Variants in SLC2A13 observed in about 807,000 individuals in gnomAD.
The protein encoded by SLC2A13 is solute carrier family 2 member 13.
A neutral mutation model predicts 64.4 loss-of-function variants in SLC2A13; 32 were observed. The observed-to-expected ratio is 0.50, with a 90% confidence interval of 0.37 to 0.67. The LOEUF (loss-of-function observed/expected upper bound fraction) is 0.67. Ranked by LOEUF, SLC2A13 falls within the 30% of genes least tolerant of loss-of-function variation. The pLI, the probability that SLC2A13 is intolerant of heterozygous loss-of-function variation, is 0.00. For synonymous variants in SLC2A13, 338 were observed against 327.1 expected (o/e 1.03, Z -0.36); for missense variants, 743 against 829.2 (o/e 0.90, Z 1.28).
chr12:40,085,517 A>G (rs1371969091), intron 1 of SLC2A13, among the ~76,000 whole-genome samples: 1 of 152,120 alleles, frequency 6.6e-6, no homozygotes, highest in Non-Finnish European at 1.5e-5. Flanking sequence ...TGCAAAACTG[A>G]TTGCTTGTTA....
intron 4 of SLC2A13, among the ~76,000 whole-genome samples, chr12:39,929,000 G>A (rs1281763581): frequency 6.6e-6 from 1 of 152,192 alleles, no homozygotes; most frequent in Non-Finnish European, 1.5e-5. Context: ...ATGGGGAGGA[G>A]ACAGAGGTGT....
At chr12:39,896,264 G>GCA (rs1944853717) in intron 4 of SLC2A13, among the ~76,000 whole-genome samples, 1 of 139,600 alleles carries the variant, frequency 7.2e-6, no homozygotes, top group South Asian at 2.2e-4. Context: ...ATGTATATGT[G>GCA]TGTATATATG....
rs1462874556 is a variant in SLC2A13, at chr12:39,981,423, C to T, written c.926-30058G>A. On this transcript the variant is annotated intron_variant, in intron 3 of 9. Transcript: ENST00000280871. Reference sequence around the variant, plus strand: ...GAAAGGATCAACAAAATTGATAGACCGCTAGCAAGACTAATAAAGAAAAAA... The same window carrying T: ...GAAAGGATCAACAAAATTGATAGACTGCTAGCAAGACTAATAAAGAAAAAA... 7.2e-3 allele frequency among the ~76,000 whole-genome samples: 1,097 copies of T among 151,470 alleles called. 9 individuals are homozygous for T. The highest frequency in any genetic ancestry group is 0.011 in the Non-Finnish European group (726 of 67,842).
At position 40,007,620 on chromosome 12, in the gene SLC2A13, T is replaced by A. The variant is rs1947447904; in HGVS notation, c.925+20681A>T. Among the ~76,000 whole-genome samples, 3 of 152,206 alleles carry A rather than the reference T, an allele frequency of 2.0e-5. No individual in the cohort carries two copies. In the South Asian group the frequency reaches 6.2e-4, roughly 32 times the overall value. On this transcript the variant is annotated intron_variant, in intron 3 of 9. Coordinates refer to ENST00000280871, the MANE Select transcript of SLC2A13 (RefSeq NM_052885.4). ...ATATAGTACATTGAAGAGTGTATAC[T>A]GTTCTAATAAGATAAGCTTTGTTTT...
chr12:39,876,352 C>T (rs886202528), intron 4 of SLC2A13, among the ~76,000 whole-genome samples: 12 of 152,144 alleles, frequency 7.9e-5, no homozygotes, highest in African/African-American at 2.2e-4. Context: ...AACATGAATA[C>T]TTCATATGCT....
At chr12:39,808,931 T>C (rs1942059589) in intron 7 of SLC2A13, among the ~76,000 whole-genome samples, 1 of 152,014 alleles carries the variant, frequency 6.6e-6, no homozygotes, top group Non-Finnish European at 1.5e-5. Context: ...AACTCCAATA[T>C]ATCAATTTTT....
intron 1 of SLC2A13, among the ~76,000 whole-genome samples, chr12:40,070,940 T>A (rs1937934259): frequency 6.6e-6 from 1 of 152,134 alleles, no homozygotes; most frequent in South Asian, 2.1e-4. Flanking sequence ...CCCATATTTA[T>A]ATAAAGGAAC....
At chr12:39,840,671 C>T (rs527348659) in intron 6 of SLC2A13, among the ~76,000 whole-genome samples, 2 of 152,118 alleles carry the variant, frequency 1.3e-5, no homozygotes, top group South Asian at 4.2e-4. Flanking sequence ...CTGACCCCAG[C>T]AGAATCAGAG....
At chr12:39,924,180 C>T (rs924310166) in intron 4 of SLC2A13, among the ~76,000 whole-genome samples, 7 of 152,012 alleles carry the variant, frequency 4.6e-5, no homozygotes, top group African/African-American at 1.4e-4. Context: ...TTTTGGCCTT[C>T]CAGAAAGCCC....
chr12:39,879,229 C>A (rs1435157860), intron 4 of SLC2A13, among the ~76,000 whole-genome samples: 3 of 152,240 alleles, frequency 2.0e-5, no homozygotes, highest in African/African-American at 4.8e-5. Flanking sequence ...TCACAGAGAA[C>A]CCCTACTAGG....
intron 3 of SLC2A13, among the ~76,000 whole-genome samples, chr12:39,955,674 C>T (rs185060258): frequency 5.3e-5 from 8 of 152,136 alleles, no homozygotes; most frequent in East Asian, 3.9e-4. Context: ...AAAAATTTTG[C>T]GATCGGAAGA....
chr12:39,896,870 C>T (rs896125139), intron 4 of SLC2A13, among the ~76,000 whole-genome samples: 2 of 152,078 alleles, frequency 1.3e-5, no homozygotes. Context: ...AATCAAGTTA[C>T]ATGTATAGTG....
intron 6 of SLC2A13, among the ~76,000 whole-genome samples, chr12:39,847,059 G>A (rs944183033): frequency 2.6e-5 from 4 of 152,172 alleles, no homozygotes; most frequent in Admixed American, 2.6e-4. Flanking sequence ...ACTTTGCAAA[G>A]CTAGAGTTAA....
rs1205855614 is a variant in SLC2A13, at chr12:39,758,195, T to C, written c.*1831A>G. Reference sequence around the variant, plus strand: ...TATAAAATATTAATTTTTTTTATTATATGAAATGACCAAAGGGAGAAAACG... The same window carrying C: ...TATAAAATATTAATTTTTTTTATTACATGAAATGACCAAAGGGAGAAAACG... On this transcript the variant is annotated 3_prime_UTR_variant, in exon 10 of 10. Coordinates refer to ENST00000280871, the MANE Select transcript of SLC2A13 (RefSeq NM_052885.4). 6.6e-6 allele frequency: 1 copy of C among 151,668 alleles called. No individual in the cohort carries two copies. The allele number at this position is 151,668 out of a possible 1,614,324, so 9.4% of individuals were successfully genotyped here. A position where few individuals can be genotyped will look rare whatever the true frequency, so the allele number is the denominator to read the frequency against.
intron 7 of SLC2A13, among the ~76,000 whole-genome samples, chr12:39,792,107 A>T: frequency 1.3e-5 from 1 of 78,572 alleles, no homozygotes; most frequent in East Asian, 3.4e-4. Context: ...CAAACCTGAG[A>T]AAAACAAGCA....
chr12:39,794,743 C>T (rs1156608505), intron 7 of SLC2A13, among the ~76,000 whole-genome samples: 2 of 152,176 alleles, frequency 1.3e-5, no homozygotes, highest in African/African-American at 4.8e-5. Context: ...CTGGGGGCTG[C>T]CTGATTTGCG....
intron 4 of SLC2A13, among the ~76,000 whole-genome samples, chr12:39,874,010 C>T (rs1407976887): frequency 1.3e-5 from 2 of 152,196 alleles, no homozygotes; most frequent in Non-Finnish European, 2.9e-5. Context: ...AATCCTGTTG[C>T]TGCCCTCAAG....
intron 7 of SLC2A13, among the ~76,000 whole-genome samples, chr12:39,807,066 G>T (rs1942000429): frequency 6.6e-6 from 1 of 152,032 alleles, no homozygotes; most frequent in Non-Finnish European, 1.5e-5. Context: ...AGTAATTATA[G>T]TTTTTGCCAC....
chr12:39,905,953 T>C (rs923637751), intron 4 of SLC2A13, among the ~76,000 whole-genome samples: 4 of 152,128 alleles, frequency 2.6e-5, no homozygotes, highest in African/African-American at 9.7e-5. Flanking sequence ...ATATTTGGTA[T>C]AAAAAGTATA....
Sources: gnomAD v4.1 joint callset for allele counts (sites outside exome capture counted in the v4.1 genomes callset) on GRCh38, gnomAD v4.1.1 for gene constraint, MANE v1.5 for transcripts, NCBI Gene and HGNC (gene_info 2026-07-23, HGNC 2026-07-21) for gene names.